E2F8: variants seen among roughly 807,000 people sequenced by gnomAD.
E2F8 encodes E2F transcription factor 8, also known as transcription factor E2F8.
E2F8 carries 35 observed loss-of-function variants against 80.8 expected under a neutral mutation model. The observed-to-expected ratio is 0.43, with a 90% CI of 0.33 to 0.57. The LOEUF is 0.57. E2F8 is among the 20% of genes least tolerant of loss of function. E2F8 has a pLI of 0.04. For missense variants in E2F8, 975 were observed against 1,056.2 expected (o/e 0.92, Z 1.07); for synonymous variants, 386 against 395.0 (o/e 0.98, Z 0.27).
chr11:19,238,730 C>T (rs530161970), intron 2 of E2F8, among the ~76,000 whole-genome samples: 1 of 152,334 alleles, frequency 6.6e-6, no homozygotes, highest in Non-Finnish European at 1.5e-5. Context: ...TGTCCAACAG[C>T]AGGATTTCTG....
In E2F8 at chr11:19,229,995, G is replaced by C. The variant is rs1851333859; in HGVS notation, c.1359-7C>G. On this transcript the variant is annotated splice_polypyrimidine_tract_variant and splice_region_variant and intron_variant, in intron 9 of 12. Coordinates refer to ENST00000250024, the MANE Select transcript of E2F8 (RefSeq NM_024680.4). This position sits in a 1 kb window ranked among gnomAD's most constrained non-coding sequence, Gnocchi z 4.3. Reference sequence around the variant, plus strand: ...CACTTTCTGTCTGGATTCACTGAAAGACAAGATTTAATACACGACATGATG... The same window carrying C: ...CACTTTCTGTCTGGATTCACTGAAACACAAGATTTAATACACGACATGATG... The C allele has an allele frequency of 1.2e-6, 2 of 1,612,842 alleles. No individual in the cohort carries two copies. Among genetic ancestry groups the C allele is most frequent in the Non-Finnish European group, 1.7e-6 (2 of 1,179,884 alleles).
Position 19,225,776 on chromosome 11 carries a change from C to G in E2F8, c.1982G>C (p.Ser661Thr), listed in dbSNP as rs772782420. The G allele has an allele frequency of 6.2e-7, 1 of 1,614,116 alleles. No homozygotes were observed. The highest frequency in any genetic ancestry group is 2.2e-5 in the East Asian group (1 of 44,870). ...AATCCTGTGGTTTGGGGAAAGAGCA[C>G]TTGAGTTTTCTTTACCAGACAAAAT... is the stretch of plus-strand genomic sequence containing the variant. ...ESILSGKENS[S>T]ALSPNHRIYS... Residue 661 changes from serine (S) to threonine (T), a missense_variant, in exon 11 of 13, where the codon AGT becomes ACT. Coordinates refer to ENST00000250024, the MANE Select transcript of E2F8 (RefSeq NM_024680.4).
At chr11:19,233,959 C>T (rs1483016141) in intron 6 of E2F8, among the ~76,000 whole-genome samples, 1 of 151,058 alleles carries the variant, frequency 6.6e-6, no homozygotes, top group Non-Finnish European at 1.5e-5. Context: ...ATCCTCCTGG[C>T]CAACATGGTG....
At position 19,224,809 on chromosome 11, in the gene E2F8, A is replaced by G; in HGVS notation, c.2453T>C (p.Leu818Ser). 6.2e-7 allele frequency: 1 copy of G among 1,614,206 alleles called. No homozygotes were observed. Among genetic ancestry groups the G allele is most frequent in the Non-Finnish European group, 8.5e-7 (1 of 1,180,038 alleles). ...GGTACGGAAGAAACTTTCGGCCACTAATTGTGACCCTTTGGGTGTCACAGG... is the reference window on the plus strand; with the variant it reads ...GGTACGGAAGAAACTTTCGGCCACTGATTGTGACCCTTTGGGTGTCACAGG... ...PVPVTPKGSQ[L>S]VAESFFRTPG... Residue 818 changes from leucine (L) to serine (S), a missense_variant, in exon 13 of 13, where the codon TTA becomes TCA. By Grantham distance (145) the Leu-to-Ser change is moderately radical. Coordinates refer to ENST00000250024, the MANE Select transcript of E2F8 (RefSeq NM_024680.4).
intron 3 of E2F8, 96 bp from the exon 4 acceptor site, chr11:19,237,566 ACG>A: frequency 7.5e-7 from 1 of 1,328,488 alleles, no homozygotes; most frequent in South Asian, 1.4e-5. Context: ...CAACTTACAC[ACG>A]CTTAGCTTCA....
chr11:19,236,308 C>A (rs60644630), intron 4 of E2F8, among the ~76,000 whole-genome samples: 497 of 152,300 alleles, frequency 3.3e-3, no homozygotes, highest in African/African-American at 9.7e-3. Flanking sequence ...AAAGCACCTC[C>A]CCAGCACTCC....
chr11:19,228,171 C>G (rs1855970467), intron 10 of E2F8, among the ~76,000 whole-genome samples: 1 of 152,084 alleles, frequency 6.6e-6, no homozygotes, highest in African/African-American at 2.4e-5. Context: ...AATCCTAATC[C>G]TGAATAACTA....
chr11:19,225,459 T>A lies in E2F8; in HGVS notation c.2183A>T (p.Asn728Ile), dbSNP rs200045087. ...LASSHPVPIQ[N>I]PSSAIVNFTL... ...GAAGTTTACAATGGCTGAGCTTGGG[T>A]TCTGGATGGGAACAGGGTGGCTTGA... The change falls in exon 12 of 13, where the codon AAC (asparagine) becomes ATC (isoleucine). Residue 728 changes from asparagine (N) to isoleucine (I), a missense_variant. Physicochemically the swap from Asn to Ile is moderately radical, Grantham distance 149. Transcript: ENST00000250024. 1.5e-5 allele frequency: 25 copies of A among 1,614,154 alleles called. No homozygotes were observed. In the East Asian group the frequency reaches 3.1e-4, roughly 20 times the overall value.
rs745914893 is a variant in E2F8, at chr11:19,229,887, G to A, written c.1460C>T (p.Ala487Val). 7.6e-5 allele frequency: 122 copies of A among 1,614,068 alleles called. No homozygotes were observed. The highest frequency in any genetic ancestry group is 1.0e-4 in the Non-Finnish European group (119 of 1,180,024). Residue 487 changes from alanine (A) to valine (V), a missense_variant, in exon 10 of 13, where the codon GCA (alanine) becomes GTA (valine). Physicochemically the swap from Ala to Val is moderately conservative, Grantham distance 64 (BLOSUM62 0). Coordinates refer to ENST00000250024, the MANE Select transcript of E2F8 (RefSeq NM_024680.4). This position sits in a 1 kb window ranked among gnomAD's most constrained non-coding sequence, Gnocchi z 4.3. The part of the protein sequence containing the change: ...PPVNAEMELT[A>V]PSLIQPLGMV... ...TCCCAGGGGCTGGATGAGGGACGGT[G>A]CTGTCAGCTCCATCTCAGCATTCAC... is the stretch of plus-strand genomic sequence containing the variant.
chr11:19,239,647 T>A (rs1851609603), intron 2 of E2F8, among the ~76,000 whole-genome samples: 2 of 151,718 alleles, frequency 1.3e-5, no homozygotes, highest in Non-Finnish European at 2.9e-5. Flanking sequence ...TCCAAGTTGT[T>A]CAAGAATCCT....
At chr11:19,235,187 T>C (rs1851482219) in intron 4 of E2F8, 129 bp from the exon 5 acceptor site, 3 of 820,580 alleles carry the variant, frequency 3.7e-6, no homozygotes, top group Non-Finnish European at 5.6e-6. Context: ...TAAGTGAACA[T>C]ACTCAACAAA....
In E2F8 at chr11:19,230,098, T is replaced by C. The variant is rs374421409; in HGVS notation, c.1359-110A>G. ...ACGCTTTTATGGAACATGCAGATAA[T>C]TTCTGTAATGAGTGAGTATGAGATA... On this transcript the variant is annotated intron_variant, in intron 9 of 12. Transcript: ENST00000250024. 4.7e-4 allele frequency: 717 copies of C among 1,522,260 alleles called. 14 individuals are homozygous for C. The South Asian group carries it at 8.5e-3, about 18-fold the overall frequency. 94.3% of individuals were successfully genotyped at this position (1,522,260 alleles called of 1,614,324 possible). A position where few individuals can be genotyped will look rare whatever the true frequency, so the allele number is the denominator to read the frequency against.
At chr11:19,236,858 A>T (rs1346303844) in intron 4 of E2F8, among the ~76,000 whole-genome samples, 2 of 152,224 alleles carry the variant, frequency 1.3e-5, no homozygotes, top group African/African-American at 4.8e-5. Context: ...AACACAAAAC[A>T]TTCAGAAAAC....
rs763622722 is a variant in E2F8 at position 19,238,036 on chromosome 11, C to A, written c.112G>T (p.Asp38Tyr). The A allele has an allele frequency of 1.3e-5, 21 of 1,614,072 alleles. No individual in the cohort carries two copies. The highest frequency in any genetic ancestry group is 1.6e-5 in the Non-Finnish European group (19 of 1,180,046). ...GTAGGTGTGGTTAAAGGGCCAAAGT[C>A]AGGCTGGATCTCTGCCAACACGATA... ...ANIVLAEIQP[D>Y]FGPLTTPTKP... is the part of the protein sequence containing the mutation. The change falls in exon 3 of 13, where the codon GAC becomes TAC. Residue 38 changes from aspartate to tyrosine, a missense_variant. Physicochemically the swap from Asp to Tyr is radical, Grantham distance 160 (BLOSUM62 -3). Transcript: ENST00000250024.
At chr11:19,234,072 C>T (rs767016717) in intron 6 of E2F8, among the ~76,000 whole-genome samples, 4 of 146,728 alleles carry the variant, frequency 2.7e-5, no homozygotes, top group Admixed American at 7.0e-5. Context: ...TGCTGGAACC[C>T]GGGAGGCAGA....
chr11:19,231,620 C>G (rs1315512626), intron 7 of E2F8, among the ~76,000 whole-genome samples: 4 of 152,196 alleles, frequency 2.6e-5, no homozygotes, highest in African/African-American at 9.6e-5. Flanking sequence ...CTAGAAATAT[C>G]TACTTTGATA....
At chr11:19,239,621 A>T (rs1182940427) in intron 2 of E2F8, among the ~76,000 whole-genome samples, 2 of 151,894 alleles carry the variant, frequency 1.3e-5, no homozygotes, top group African/African-American at 4.8e-5. Flanking sequence ...AAACATGTCA[A>T]ATGCCCTTTC....
chr11:19,227,363 G>A (rs187433134), intron 10 of E2F8, among the ~76,000 whole-genome samples: 8 of 152,092 alleles, frequency 5.3e-5, no homozygotes, highest in South Asian at 2.1e-4. Context: ...GAAGACCTGC[G>A]CTCTATTAGC....
At position 19,240,244 on chromosome 11, in the gene E2F8, G is replaced by T; in HGVS notation, c.-109-14C>A. The T allele has an allele frequency of 1.8e-6, 1 of 551,748 alleles. No homozygotes were observed. The highest frequency in any genetic ancestry group is 3.0e-6 in the Non-Finnish European group (1 of 337,732). The allele number at this position is 551,748 out of a possible 1,614,324, so 34.2% of individuals were successfully genotyped here. On this transcript the variant is annotated splice_polypyrimidine_tract_variant and intron_variant, in intron 1 of 12. Transcript: ENST00000250024. ...AGTTTTAATATCCTTAAAGAAAAAA[G>T]GAAATAGAAAAAGTTAGAGAAAAAC...
Sources: allele counts gnomAD v4.1 joint callset (sites outside exome capture counted in the v4.1 genomes callset), GRCh38; gene constraint gnomAD v4.1.1; non-coding constraint Gnocchi (gnomAD v3.1); transcripts MANE v1.5; gene names NCBI Gene and HGNC (gene_info 2026-07-23, HGNC 2026-07-21).